The following GUCD1 variants were observed in gnomAD, a reference collection of about 807,000 sequenced individuals.
GUCD1 encodes the protein guanylyl cyclase domain containing 1, also known as protein GUCD1.
A neutral mutation model predicts 28.3 loss-of-function variants in GUCD1; 17 were observed. The ratio of observed to expected loss-of-function variants is 0.60; its 90% CI spans 0.41 to 0.90. GUCD1 has a LOEUF of 0.90. Ranked by LOEUF, GUCD1 falls within the 40% of genes least tolerant of loss-of-function variation. The probability of loss-of-function intolerance (pLI) is 0.00; values close to 1 mark genes in which losing one functional copy is unlikely to be tolerated. For synonymous variants in GUCD1, 129 were observed against 123.3 expected, an observed-to-expected ratio of 1.05 and a Z score of -0.30; for missense variants, 279 against 305.5, an observed-to-expected ratio of 0.91 and a Z score of 0.65.
rs1298148301 is a variant in GUCD1, at chr22:24,542,185, C to A, written c.*821G>T. The A allele has an allele frequency of 6.6e-6, 1 of 152,324 alleles. No individual in the cohort carries two copies. Among genetic ancestry groups the A allele is most frequent in the Admixed American group, 6.5e-5 (1 of 15,284 alleles). 9.4% of individuals were successfully genotyped at this position (152,324 alleles called of 1,614,324 possible). ...GGCTCCCCACACTCAAGAGGGCAGACCCTGCTGTCAGGATTTTGGCTGGTG... is the reference window on the plus strand; with the variant it reads ...GGCTCCCCACACTCAAGAGGGCAGAACCTGCTGTCAGGATTTTGGCTGGTG... On this transcript the variant is annotated 3_prime_UTR_variant, in exon 6 of 6. Coordinates refer to ENST00000435822, the MANE Select transcript of GUCD1 (RefSeq NM_001284254.2).
At chr22:24,544,336 A>AG (rs2044672580) in intron 4 of GUCD1, among the ~76,000 whole-genome samples, 1 of 151,826 alleles carries the variant, frequency 6.6e-6, no homozygotes, top group Admixed American at 6.6e-5. Context: ...CTTCACGGGG[A>AG]GAGCATTCAG....
rs757392722 is a variant in GUCD1 at position 24,548,014 on chromosome 22, G to C, written c.188C>G (p.Thr63Ser). ...CAGGTCGATGGTCCAGATGCTCCTG[G>C]TCAGCTGCAGCTTCTGCAGGGCTCT... ...FERALQKLQL[T>S]RSIWTIDLAY... The change falls in exon 3 of 6, where the codon ACC (threonine) becomes AGC (serine). Residue 63 changes from threonine to serine, a missense_variant. Coordinates refer to ENST00000435822, the MANE Select transcript of GUCD1 (RefSeq NM_001284254.2). 4 of 1,614,030 alleles carry C rather than the reference G, an allele frequency of 2.5e-6. No individual in the cohort carries two copies. In the South Asian group the frequency reaches 4.4e-5, roughly 18 times the overall value.
intron 1 of GUCD1, among the ~76,000 whole-genome samples, chr22:24,553,749 T>G (rs972282638): frequency 6.6e-6 from 1 of 152,094 alleles, no homozygotes; most frequent in Non-Finnish European, 1.5e-5. Context: ...CAGCTGCGCC[T>G]CCTCCTCTTG....
intron 4 of GUCD1, among the ~76,000 whole-genome samples, chr22:24,546,431 G>A (rs867140481): frequency 3.3e-5 from 5 of 152,174 alleles, no homozygotes; most frequent in Non-Finnish European, 5.9e-5. Context: ...CCCACATCTG[G>A]GCAAACTGCA....
At chr22:24,544,680 C>G (rs1205354110) in intron 4 of GUCD1, among the ~76,000 whole-genome samples, 2 of 152,154 alleles carry the variant, frequency 1.3e-5, no homozygotes, top group Non-Finnish European at 2.9e-5. Context: ...GGCACTGCCC[C>G]ATCCTGTGCC....
At chr22:24,546,599 G>C (rs2044734060) in intron 4 of GUCD1, among the ~76,000 whole-genome samples, 1 of 152,186 alleles carries the variant, frequency 6.6e-6, no homozygotes, top group Admixed American at 6.5e-5. Context: ...CCTTTCATTA[G>C]GGGCCTTGTG....
At chr22:24,547,313 C>A in intron 3 of GUCD1, 1 of 351,998 alleles carries the variant, frequency 2.8e-6, no homozygotes. Flanking sequence ...CAGGCATGAG[C>A]AGGAGCCCGT....
At chr22:24,550,186 A>C (rs116111214) in intron 1 of GUCD1, among the ~76,000 whole-genome samples, 104 of 152,324 alleles carry the variant, frequency 6.8e-4, no homozygotes, top group Middle Eastern at 3.4e-3. Context: ...CCATCCCTAA[A>C]CAGGGGGACT....
upstream of GUCD1, chr22:24,555,237 CA>C (rs1481469994): frequency 2.3e-6 from 3 of 1,325,242 alleles, no homozygotes; most frequent in Non-Finnish European, 2.9e-6. Flanking sequence ...TAGAGGTCCC[CA>C]GCCTCTTGAT....
chr22:24,555,295 C>T (rs1448016924), upstream of GUCD1: 8 of 1,392,420 alleles, frequency 5.7e-6, no homozygotes, highest in Non-Finnish European at 7.4e-6. Context: ...AGTGGCCCCA[C>T]CCTCTCGCCC....
At position 24,547,995 on chromosome 22, in the gene GUCD1, G is replaced by T; in HGVS notation, c.207C>A (p.Ile69=). The change falls in exon 3 of 6, where the codon ATC becomes ATA. Residue 69 remains isoleucine (I), a synonymous_variant. Coordinates refer to ENST00000435822, the MANE Select transcript of GUCD1 (RefSeq NM_001284254.2). ...AGTGGTGCATCAGGTAGGCCAGGTC[G>T]ATGGTCCAGATGCTCCTGGTCAGCT... ...KLQLTRSIWT[I]DLAYLMHHFG... 1 of 1,614,144 alleles carries T rather than the reference G, an allele frequency of 6.2e-7. No homozygotes were observed. The highest frequency in any genetic ancestry group is 2.2e-5 in the East Asian group (1 of 44,884).
At chr22:24,549,530 T>C (rs897200217) in intron 1 of GUCD1, among the ~76,000 whole-genome samples, 1 of 152,096 alleles carries the variant, frequency 6.6e-6, no homozygotes, top group Non-Finnish European at 1.5e-5. Flanking sequence ...TTCTTTTTTT[T>C]CAACAGGGTC....
rs992573287 is a variant in GUCD1 at position 24,542,886 on chromosome 22, C to G, written c.*120G>C. The stretch of plus-strand genomic sequence containing the variant: ...AGTTCCTGGGACTCTGCCAGATGGG[C>G]TGAGGCTGCAGTTCCACATTCCAAC... On this transcript the variant is annotated 3_prime_UTR_variant, in exon 6 of 6. Transcript: ENST00000435822. 2.8e-6 allele frequency: 2 copies of G among 724,328 alleles called. No homozygotes were observed. The highest frequency in any genetic ancestry group is 1.7e-5 in the African/African-American group (1 of 57,436). The allele number at this position is 724,328 out of a possible 1,614,324, so 44.9% of individuals were successfully genotyped here.
chr22:24,555,177 G>A (rs1044398584), upstream of GUCD1: 5 of 1,297,836 alleles, frequency 3.9e-6, no homozygotes, highest in Non-Finnish European at 4.9e-6. Context: ...TCCAGGTCTC[G>A]AATCTGGAGG....
chr22:24,553,618 T>C (rs1396307536), intron 1 of GUCD1, among the ~76,000 whole-genome samples: 1 of 152,230 alleles, frequency 6.6e-6, no homozygotes, highest in Non-Finnish European at 1.5e-5. Context: ...CCCTCCTTAC[T>C]CTGTGGCTTG....
At chr22:24,555,546 G>A (rs1472171452), upstream of GUCD1, 8 of 1,490,332 alleles carry the variant, frequency 5.4e-6, no homozygotes, top group East Asian at 9.9e-5. Context: ...CCCTGAGCGG[G>A]CAGCCGCTCT....
chr22:24,542,824 A>C lies in GUCD1; in HGVS notation c.*182T>G, dbSNP rs889782009. ...CTTGGGGTGAGTGACATGACAACAC[A>C]CGGCACTGGCAGACAAAGCAGCTGT... On this transcript the variant is annotated 3_prime_UTR_variant, in exon 6 of 6. Transcript: ENST00000435822. 1 of 572,534 alleles carries C rather than the reference A, an allele frequency of 1.7e-6. No homozygotes were observed. Among genetic ancestry groups the C allele is most frequent in the East Asian group, 3.0e-5 (1 of 33,008 alleles). The allele number at this position is 572,534 out of a possible 1,614,324, so 35.5% of individuals were successfully genotyped here. A position where few individuals can be genotyped will look rare whatever the true frequency, so the allele number is the denominator to read the frequency against.
chr22:24,555,697 G>A (rs1045593323), upstream of GUCD1: 6 of 1,550,526 alleles, frequency 3.9e-6, no homozygotes, highest in African/African-American at 6.8e-5. Flanking sequence ...CCGGTCTGAG[G>A]GCCCAAGCCC....
chr22:24,545,678 A>C (rs2044707358), intron 4 of GUCD1, among the ~76,000 whole-genome samples: 1 of 150,992 alleles, frequency 6.6e-6, no homozygotes, highest in South Asian at 2.1e-4. Context: ...ATCTCGGCTC[A>C]CTGCAAGCTC....
Sources: allele counts gnomAD v4.1 joint callset (sites outside exome capture counted in the v4.1 genomes callset), GRCh38; gene constraint gnomAD v4.1.1; transcripts MANE v1.5; gene names NCBI Gene and HGNC (gene_info 2026-07-23, HGNC 2026-07-21).